The following HTR1F variants were observed in gnomAD, a reference collection of about 807,000 sequenced individuals.
The protein encoded by HTR1F is 5-hydroxytryptamine receptor 1F.
HTR1F carries 17 observed loss-of-function variants against 24.0 expected under a neutral mutation model. The ratio of observed to expected loss-of-function variants is 0.71; its 90% CI spans 0.48 to 1.06. HTR1F has a LOEUF of 1.06. Among genes scored for constraint, HTR1F ranks in the 50% least tolerant of loss-of-function variants. HTR1F has a pLI of 0.00. For synonymous variants in HTR1F, 186 were observed against 156.8 expected, an observed-to-expected ratio of 1.19 and a Z score of -1.39; for missense variants, 391 against 427.8, an observed-to-expected ratio of 0.91 and a Z score of 0.76.
intron 2 of HTR1F, among the ~76,000 whole-genome samples, chr3:87,829,690 T>A (rs1316680658): frequency 3.3e-5 from 5 of 152,204 alleles, no homozygotes; most frequent in Admixed American, 6.5e-5. Context: ...AACCAGCCAC[T>A]CATGCAAAAC....
intron 1 of HTR1F, among the ~76,000 whole-genome samples, chr3:87,808,464 C>CT (rs965859391): frequency 1.1e-4 from 16 of 149,838 alleles, no homozygotes; most frequent in South Asian, 4.2e-4. Context: ...GTTGTAATGT[C>CT]TTTTTTTTTC....
chr3:87,873,095 TACACACACACACACACAC>T (rs61407734), intron 2 of HTR1F, among the ~76,000 whole-genome samples: 1 of 135,024 alleles, frequency 7.4e-6, no homozygotes, highest in Non-Finnish European at 1.6e-5. Context: ...CATGCATACA[TACACACACACACACACAC>T]ACACACACAC....
intron 2 of HTR1F, among the ~76,000 whole-genome samples, chr3:87,959,306 G>A (rs919178302): frequency 3.3e-5 from 5 of 151,658 alleles, no homozygotes; most frequent in Non-Finnish European, 4.4e-5. Flanking sequence ...GATGTATAAG[G>A]CAATTAGTAC....
rs546604398 is a variant in HTR1F, at chr3:87,898,264, G to C, written c.-43+76140G>C. Among the ~76,000 whole-genome samples, 85 of 152,300 alleles carry C rather than the reference G, an allele frequency of 5.6e-4. 1 individual carries two copies. Among genetic ancestry groups the C allele is most frequent in the African/African-American group, 1.9e-3 (78 of 41,584 alleles). On this transcript the variant is annotated intron_variant, in intron 2 of 2. Coordinates refer to ENST00000319595, the MANE Select transcript of HTR1F (RefSeq NM_001322209.2). ...GAGTTATTTGTGCAATCTTAGAGTT[G>C]TGGGATGATAGAGCCTGGAATTCAT... is the stretch of plus-strand genomic sequence containing the variant.
chr3:87,797,634 T>C (rs1241081861), intron 1 of HTR1F, among the ~76,000 whole-genome samples: 1 of 151,374 alleles, frequency 6.6e-6, no homozygotes, highest in Non-Finnish European at 1.5e-5. Flanking sequence ...TTCAAAACCC[T>C]AAATAAAACT....
chr3:87,933,997 C>A (rs190317570), intron 2 of HTR1F, among the ~76,000 whole-genome samples: 148 of 152,278 alleles, frequency 9.7e-4, no homozygotes, highest in African/African-American at 3.5e-3. Flanking sequence ...TATTGGTCAG[C>A]TTTTCCAGTC....
chr3:87,961,370 G>A (rs1466847204), intron 2 of HTR1F, among the ~76,000 whole-genome samples: 1 of 152,118 alleles, frequency 6.6e-6, no homozygotes, highest in African/African-American at 2.4e-5. Context: ...AAGCCAAAAA[G>A]TGTGGGAGAG....
At chr3:87,861,511 AT>A (rs1401195337) in intron 2 of HTR1F, among the ~76,000 whole-genome samples, 4 of 152,148 alleles carry the variant, frequency 2.6e-5, no homozygotes, top group Non-Finnish European at 5.9e-5. Context: ...CCATAAATAT[AT>A]TATACTAACA....
intron 2 of HTR1F, among the ~76,000 whole-genome samples, chr3:87,980,679 T>TGCC (rs1705521422): frequency 2.1e-5 from 2 of 93,740 alleles, no homozygotes; most frequent in African/African-American, 7.3e-5. Flanking sequence ...CAGGCTGTAC[T>TGCC]GAGGGGCATC....
chr3:87,945,017 GTTGTTTTGTT>G (rs147538762), intron 2 of HTR1F, among the ~76,000 whole-genome samples: 1 of 151,764 alleles, frequency 6.6e-6, no homozygotes, highest in Non-Finnish European at 1.5e-5. Flanking sequence ...GGGCACACTG[GTTGTTTTGTT>G]TTGTTTTGTT....
chr3:87,941,497 G>A (rs1412894953), intron 2 of HTR1F, among the ~76,000 whole-genome samples: 2 of 152,132 alleles, frequency 1.3e-5, no homozygotes, highest in East Asian at 3.9e-4. Flanking sequence ...GTGGCTTGAT[G>A]GCACAAGGTT....
intron 2 of HTR1F, among the ~76,000 whole-genome samples, chr3:87,880,919 A>G (rs184366545): frequency 9.2e-5 from 14 of 152,320 alleles, no homozygotes; most frequent in African/African-American, 3.4e-4. Flanking sequence ...TTGGTATGAG[A>G]ACATATTTTA....
intron 2 of HTR1F, among the ~76,000 whole-genome samples, chr3:87,931,669 T>C (rs1355435251): frequency 1.3e-5 from 2 of 152,174 alleles, no homozygotes; most frequent in East Asian, 3.9e-4. Flanking sequence ...CCACCAACAG[T>C]GTAAAAGTGT....
chr3:87,976,445 G>A (rs919259855), intron 2 of HTR1F, among the ~76,000 whole-genome samples: 4 of 151,968 alleles, frequency 2.6e-5, no homozygotes, highest in African/African-American at 9.7e-5. Context: ...CAGTTATTCA[G>A]GAGGCTGAGG....
At chr3:87,924,944 T>C (rs1350842676) in intron 2 of HTR1F, among the ~76,000 whole-genome samples, 1 of 152,196 alleles carries the variant, frequency 6.6e-6, no homozygotes, top group African/African-American at 2.4e-5. Flanking sequence ...AGCTATTATG[T>C]TATTAAATAG....
At chr3:87,805,123 C>G (rs1023317534) in intron 1 of HTR1F, among the ~76,000 whole-genome samples, 28 of 151,660 alleles carry the variant, frequency 1.8e-4, no homozygotes, top group African/African-American at 6.5e-4. Context: ...TAGTTGCTCC[C>G]TTATTTGATT....
At chr3:87,896,753 T>C (rs1312381370) in intron 2 of HTR1F, among the ~76,000 whole-genome samples, 1 of 152,144 alleles carries the variant, frequency 6.6e-6, no homozygotes, top group African/African-American at 2.4e-5. Context: ...TAATTAAAAA[T>C]GGACAAAGGA....
intron 2 of HTR1F, among the ~76,000 whole-genome samples, chr3:87,864,900 AAAAAAAG>A: frequency 1.4e-5 from 2 of 146,188 alleles, no homozygotes; most frequent in African/African-American, 2.7e-5. Context: ...TCAAAAAAAA[AAAAAAAG>A]AAAAGAAAAG....
intron 2 of HTR1F, among the ~76,000 whole-genome samples, chr3:87,984,446 T>C (rs761414951): frequency 5.2e-5 from 5 of 95,740 alleles, no homozygotes; most frequent in African/African-American, 1.0e-4. Flanking sequence ...AAGAGGTTTT[T>C]TTGTTTGTTT....
Sources: allele counts gnomAD v4.1 joint callset (sites outside exome capture counted in the v4.1 genomes callset), GRCh38; gene constraint gnomAD v4.1.1; transcripts MANE v1.5; gene names NCBI Gene and HGNC (gene_info 2026-07-23, HGNC 2026-07-21).